OSMR: variants seen among roughly 807,000 people sequenced by gnomAD.
OSMR encodes the protein oncostatin-M-specific receptor subunit beta.
In OSMR, 81 loss-of-function variants were observed where a neutral mutation model predicts 99.9. The ratio of observed to expected loss-of-function variants is 0.81; its 90% CI spans 0.68 to 0.97. The LOEUF (loss-of-function observed/expected upper bound fraction) is 0.97. OSMR is among the 50% of genes least tolerant of loss of function. The pLI is 0.00. For synonymous variants in OSMR, 406 were observed against 410.4 expected, an observed-to-expected ratio of 0.99 and a Z score of 0.13; for missense variants, 1,099 against 1,153.4, an observed-to-expected ratio of 0.95 and a Z score of 0.68.
intron 7 of OSMR, among the ~76,000 whole-genome samples, chr5:38,893,268 A>G (rs1744276567): frequency 1.3e-5 from 2 of 152,232 alleles, no homozygotes; most frequent in Non-Finnish European, 2.9e-5. Flanking sequence ...GAAAAAGCAT[A>G]AGAATTCTGG....
At chr5:38,926,151 A>G (rs933966784) in intron 15 of OSMR, among the ~76,000 whole-genome samples, 7 of 152,234 alleles carry the variant, frequency 4.6e-5, no homozygotes, top group Non-Finnish European at 1.5e-5. Flanking sequence ...TGAGGGGATC[A>G]TAGAAGATCC....
chr5:38,865,973 C>A (rs1250892429), intron 1 of OSMR, among the ~76,000 whole-genome samples: 15 of 152,176 alleles, frequency 9.9e-5, no homozygotes, highest in Admixed American at 9.8e-4. Flanking sequence ...ATGGCAGGCT[C>A]ATGCTCAGGC....
chr5:38,942,796 T>C (rs779120348), intron 1 of OSMR: 2 of 1,481,940 alleles, frequency 1.3e-6, no homozygotes, highest in South Asian at 1.1e-5. Flanking sequence ...AGAATTATTC[T>C]TGGAAGATAA....
chr5:38,919,501 T>C, intron 11 of OSMR: 1 of 453,992 alleles, frequency 2.2e-6, no homozygotes. Context: ...AGAACTGGCA[T>C]CAACTTTCAC....
intron 1 of OSMR, chr5:38,944,159 TAAA>T (rs1561434548): frequency 2.0e-6 from 1 of 490,318 alleles, no homozygotes; most frequent in Non-Finnish European, 3.9e-6. Context: ...TTTCCAAAAG[TAAA>T]AAAGTGAGAA....
intron 2 of OSMR, chr5:38,944,940 T>G (rs1748009137): frequency 6.2e-7 from 1 of 1,613,956 alleles, no homozygotes; most frequent in African/African-American, 1.3e-5. Flanking sequence ...CTTTTGGTGC[T>G]GCTAGCTGAG....
chr5:38,936,282 AT>A (rs1747034496), downstream of OSMR, among the ~76,000 whole-genome samples: 1 of 152,126 alleles, frequency 6.6e-6, no homozygotes, highest in African/African-American at 2.4e-5. Context: ...TTTCATGTCA[AT>A]ATCTGAGTTC....
chr5:38,861,867 C>T (rs1401231903), intron 1 of OSMR, among the ~76,000 whole-genome samples: 47 of 133,986 alleles, frequency 3.5e-4, no homozygotes, highest in South Asian at 2.7e-3. Flanking sequence ...GCTGGCCGGG[C>T]GGGGGGCTGA....
chr5:38,906,998 A>G (rs937805968), intron 9 of OSMR, among the ~76,000 whole-genome samples: 29 of 152,230 alleles, frequency 1.9e-4, no homozygotes, highest in Non-Finnish European at 3.1e-4. Flanking sequence ...TTTTTAAACC[A>G]TTTTAGTATG....
At position 38,930,064 on chromosome 5, in the gene OSMR, C is replaced by G. The variant is rs61358069; in HGVS notation, c.2213-1819C>G. Among the ~76,000 whole-genome samples the G allele has an allele frequency of 3.2e-3, 493 of 152,294 alleles. 3 individuals carry two copies. The highest frequency in any genetic ancestry group is 0.011 in the African/African-American group (468 of 41,564). ...CCTTTCTCCTCCAGCCCACTTTTCC[C>G]CTTTAACATTATCTTTGGAGAAAGG... On this transcript the variant is annotated intron_variant, in intron 15 of 17. Coordinates refer to ENST00000274276, the MANE Select transcript of OSMR (RefSeq NM_003999.3).
In OSMR at chr5:38,919,048, C is replaced by G. The variant is rs143847892; in HGVS notation, c.1571C>G (p.Ala524Gly). Residue 524 changes from alanine (A) to glycine (G), a missense_variant, in exon 11 of 18, where the codon GCA becomes GGA. Coordinates refer to ENST00000274276, the MANE Select transcript of OSMR (RefSeq NM_003999.3). ...ASPASVIVIS[A>G]DPENKEVEEE... ...CCTGCTTCTGTAATAGTCATCTCTGCAGACCCCGAAAACAGTGAGTTTGTT... is the reference window on the plus strand; with the variant it reads ...CCTGCTTCTGTAATAGTCATCTCTGGAGACCCCGAAAACAGTGAGTTTGTT... 2.1e-4 allele frequency: 339 copies of G among 1,613,806 alleles called. No individual in the cohort carries two copies. The highest frequency in any genetic ancestry group is 2.8e-4 in the Non-Finnish European group (325 of 1,179,804).
intron 15 of OSMR, among the ~76,000 whole-genome samples, chr5:38,930,165 T>C (rs2112693453): frequency 6.6e-6 from 1 of 152,340 alleles, no homozygotes; most frequent in South Asian, 2.1e-4. Flanking sequence ...AAGAAAATTC[T>C]AAATTGGTGG....
intron 2 of OSMR, among the ~76,000 whole-genome samples, chr5:38,872,854 A>G (rs1043797737): frequency 2.6e-5 from 4 of 152,262 alleles, no homozygotes; most frequent in East Asian, 1.9e-4. Context: ...AAAATCCAAT[A>G]AAAATATATA....
intron 1 of OSMR, among the ~76,000 whole-genome samples, chr5:38,862,128 C>G (rs1350527097): frequency 1.8e-5 from 2 of 111,170 alleles, no homozygotes; most frequent in African/African-American, 3.5e-5. Context: ...CCGGACGGGG[C>G]GGCTGGCCGG....
chr5:38,923,203 A>G lies in OSMR; in HGVS notation c.1819A>G (p.Lys607Glu). The stretch of plus-strand genomic sequence containing the variant: ...CTTCAGAATTTATGGGTTATCTACA[A>G]AAAGGATTGCTTGTTTATTAGAGAA... ...YDFRIYGLST[K>E]RIACLLEKKT... The change falls in exon 13 of 18, where the codon AAA (lysine) becomes GAA (glutamate). Residue 607 changes from lysine to glutamate, a missense_variant. Physicochemically the swap from Lys to Glu is moderately conservative, Grantham distance 56 (BLOSUM62 1). Coordinates refer to ENST00000274276, the MANE Select transcript of OSMR (RefSeq NM_003999.3). The G allele has an allele frequency of 6.2e-7, 1 of 1,613,268 alleles. No homozygotes were observed. Among genetic ancestry groups the G allele is most frequent in the Non-Finnish European group, 8.5e-7 (1 of 1,179,250 alleles).
At chr5:38,944,365 A>G (rs1747938621) in intron 2 of OSMR, 1 of 1,409,050 alleles carries the variant, frequency 7.1e-7, no homozygotes, top group Admixed American at 1.9e-5. Context: ...AACTAGCCTA[A>G]CTTTTGAAGT....
At chr5:38,902,062 C>T (rs962983487) in intron 7 of OSMR, among the ~76,000 whole-genome samples, 1 of 152,126 alleles carries the variant, frequency 6.6e-6, no homozygotes, top group African/African-American at 2.4e-5. Context: ...CCCTGGAGAG[C>T]CTTTTGCGAC....
At chr5:38,881,436 C>T (rs2278325) in intron 3 of OSMR, 157 bp from the exon 4 acceptor site, 494,637 of 978,302 alleles carry the variant, frequency 0.51, 128,845 homozygotes, top group South Asian at 0.57. Flanking sequence ...TGCGAGGCAT[C>T]AGAACATGGG....
At chr5:38,866,528 G>A (rs985699629) in intron 1 of OSMR, among the ~76,000 whole-genome samples, 1 of 152,202 alleles carries the variant, frequency 6.6e-6, no homozygotes, top group Non-Finnish European at 1.5e-5. Flanking sequence ...GGTATAGACT[G>A]AGTGAGGTAG....
Sources: allele counts gnomAD v4.1 joint callset (sites outside exome capture counted in the v4.1 genomes callset), GRCh38; gene constraint gnomAD v4.1.1; transcripts MANE v1.5; gene names NCBI Gene and HGNC (gene_info 2026-07-23, HGNC 2026-07-21).